Variants in ZNF205 observed in about 807,000 individuals in gnomAD.
ZNF205 encodes the protein transcriptional repressor RHIT.
ZNF205 carries 32 observed loss-of-function variants against 53.6 expected under a neutral mutation model. The ratio of observed to expected loss-of-function variants is 0.60; its 90% CI spans 0.45 to 0.80. The LOEUF is 0.80. Ranked by LOEUF, ZNF205 falls within the 30% of genes least tolerant of loss-of-function variation. The pLI, the probability that ZNF205 is intolerant of heterozygous loss-of-function variation, is 0.00. For missense variants in ZNF205, 836 were observed against 782.4 expected (o/e 1.07, Z -0.82); for synonymous variants, 382 against 334.3 (o/e 1.14, Z -1.56).
chr16:3,114,954 G>A (rs1459700359), intron 2 of ZNF205: 2 of 158,598 alleles, frequency 1.3e-5, no homozygotes, highest in Non-Finnish European at 2.8e-5. Context: ...TTAATCTCAA[G>A]ATCTTTAACT....
intron 5 of ZNF205, among the ~76,000 whole-genome samples, chr16:3,117,417 G>A (rs1255686126): frequency 7.3e-6 from 1 of 137,204 alleles, no homozygotes; most frequent in Admixed American, 7.3e-5. Context: ...TTGTTTCTTG[G>A]ATGTTAAGTA....
At position 3,116,299 on chromosome 16, in the gene ZNF205, G is replaced by A. The variant is rs1015578985; in HGVS notation, c.364-128G>A. The A allele has an allele frequency of 2.1e-6, 3 of 1,400,818 alleles. No homozygotes were observed. The African/African-American group carries it at 4.3e-5, about 20-fold the overall frequency. The allele number at this position is 1,400,818 out of a possible 1,614,324, so 86.8% of individuals were successfully genotyped here. Reference sequence around the variant, plus strand: ...TGGCTCACCTGCTTCCCGATCAGATGGAAGTGGCAGGCCTCACTCGACACA... The same window carrying A: ...TGGCTCACCTGCTTCCCGATCAGATAGAAGTGGCAGGCCTCACTCGACACA... On this transcript the variant is annotated intron_variant, in intron 4 of 6. Coordinates refer to ENST00000219091, the MANE Select transcript of ZNF205 (RefSeq NM_001042428.2).
chr16:3,115,163 T>C (rs1957323039), intron 2 of ZNF205, 192 bp from the exon 3 acceptor site: 1 of 420,496 alleles, frequency 2.4e-6, no homozygotes. Flanking sequence ...CCACCGGCAC[T>C]GTGGAGGCGG....
At chr16:3,116,364 C>G in intron 4 of ZNF205, 63 bp from the exon 5 acceptor site, 2 of 1,597,668 alleles carry the variant, frequency 1.3e-6, no homozygotes, top group Non-Finnish European at 8.5e-7. Flanking sequence ...CATCTCATGC[C>G]ATGGTGTCCC....
At chr16:3,113,297 G>T in intron 1 of ZNF205, 120 bp from the exon 2 acceptor site, 2 of 870,184 alleles carry the variant, frequency 2.3e-6, no homozygotes, top group Non-Finnish European at 1.8e-6. Flanking sequence ...GATTTTCAGG[G>T]CTCTTTGGGG....
intron 5 of ZNF205, 142 bp from the exon 6 acceptor site, chr16:3,118,763 G>A: frequency 1.2e-6 from 1 of 832,044 alleles, no homozygotes; most frequent in South Asian, 1.9e-5. Context: ...CCGACCCAGG[G>A]GGCCTTCTTG....
rs1394536671 is a variant in ZNF205, at chr16:3,119,470, C to G, written c.810C>G (p.Pro270=). The part of the protein sequence containing the change: ...TPDAAPPDPS[P]TEPQEYRVPE... ...ATGCAGCTCCGCCAGACCCCAGTCCCACGGAGCCCCAGGAGTACCGCGTCC... is the reference window on the plus strand; with the variant it reads ...ATGCAGCTCCGCCAGACCCCAGTCCGACGGAGCCCCAGGAGTACCGCGTCC... The change falls in exon 7 of 7, where the codon CCC becomes CCG. Residue 270 remains proline (P), a synonymous_variant. Coordinates refer to ENST00000219091, the MANE Select transcript of ZNF205 (RefSeq NM_001042428.2). The G allele has an allele frequency of 3.4e-5, 54 of 1,589,500 alleles. No homozygotes were observed. The highest frequency in any genetic ancestry group is 4.2e-5 in the Non-Finnish European group (49 of 1,169,172).
chr16:3,116,207 C>T, intron 4 of ZNF205: 2 of 699,654 alleles, frequency 2.9e-6, no homozygotes, highest in Non-Finnish European at 4.7e-6. Flanking sequence ...CATCCTAAGT[C>T]TTAACTGTGA....
Position 3,115,926 on chromosome 16 carries a change from T to C in ZNF205, c.363+6T>C. 1 of 1,612,532 alleles carries C rather than the reference T, an allele frequency of 6.2e-7. No individual in the cohort carries two copies. Among genetic ancestry groups the C allele is most frequent in the Non-Finnish European group, 8.5e-7 (1 of 1,179,418 alleles). Reference sequence around the variant, plus strand: ...TCCTCACTGCCTGGTCCCAGGTGAGTGGCCCTTCCCCGGCCCCTGCATGGT... The same window carrying C: ...TCCTCACTGCCTGGTCCCAGGTGAGCGGCCCTTCCCCGGCCCCTGCATGGT... On this transcript the variant is annotated splice_donor_region_variant and intron_variant, in intron 4 of 6. Transcript: ENST00000219091.
At chr16:3,115,151 G>A (rs1220358328) in intron 2 of ZNF205, 7 of 394,364 alleles carry the variant, frequency 1.8e-5, no homozygotes, top group Admixed American at 9.1e-5. Context: ...TGGGCACCAC[G>A]CCCACCGGCA....
intron 5 of ZNF205, among the ~76,000 whole-genome samples, chr16:3,118,011 G>GATT (rs1596299038): frequency 3.4e-5 from 2 of 58,790 alleles, no homozygotes; most frequent in African/African-American, 5.7e-5. Context: ...ACCATGCCCG[G>GATT]CTTTTTTTTT....
intron 2 of ZNF205, chr16:3,114,915 T>G (rs1457741053): frequency 6.5e-6 from 1 of 153,384 alleles, no homozygotes; most frequent in African/African-American, 2.4e-5. Context: ...CATTGTTAGA[T>G]TTTAGGCTCA....
intron 2 of ZNF205, among the ~76,000 whole-genome samples, chr16:3,113,963 G>A (rs560421521): frequency 8.5e-5 from 13 of 152,142 alleles, no homozygotes; most frequent in African/African-American, 3.1e-4. Flanking sequence ...AGGAGTATGA[G>A]TCAGCGACAG....
Position 3,119,884 on chromosome 16 carries a change from C to T in ZNF205, c.1224C>T (p.Val408=). 1 of 1,613,602 alleles carries T rather than the reference C, an allele frequency of 6.2e-7. No homozygotes were observed. Among genetic ancestry groups the T allele is most frequent in the Admixed American group, 1.7e-5 (1 of 60,018 alleles). Residue 408 remains valine (V), a synonymous_variant, in exon 7 of 7, where the codon GTC becomes GTT. Coordinates refer to ENST00000219091, the MANE Select transcript of ZNF205 (RefSeq NM_001042428.2). The stretch of plus-strand genomic sequence containing the variant: ...GCTTCACCCGCCGCTCGGACTTGGT[C>T]ACCCACCAGGGCACCCACACGGGCG... ...AKRFTRRSDL[V]THQGTHTGAK...
chr16:3,119,995 C>T lies in ZNF205; in HGVS notation c.1335C>T (p.Val445=). 2 of 1,613,276 alleles carry T rather than the reference C, an allele frequency of 1.2e-6. No homozygotes were observed. Among genetic ancestry groups the T allele is most frequent in the Non-Finnish European group, 1.7e-6 (2 of 1,179,818 alleles). The change falls in exon 7 of 7, where the codon GTC becomes GTT. Residue 445 remains valine (V), a synonymous_variant. Coordinates refer to ENST00000219091, the MANE Select transcript of ZNF205 (RefSeq NM_001042428.2). ...CCCACCAGCGCACCCACACTGGGGTCAAGCCCTATCCGTGCCCCGAGTGCG... is the reference window on the plus strand; with the variant it reads ...CCCACCAGCGCACCCACACTGGGGTTAAGCCCTATCCGTGCCCCGAGTGCG... ...LVTHQRTHTG[V]KPYPCPECGK...
chr16:3,119,844 A>G lies in ZNF205; in HGVS notation c.1184A>G (p.Asp395Gly), dbSNP rs200734288. The G allele has an allele frequency of 1.2e-6, 2 of 1,612,256 alleles. No individual in the cohort carries two copies. The highest frequency in any genetic ancestry group is 1.7e-6 in the Non-Finnish European group (2 of 1,179,600). The change falls in exon 7 of 7, where the codon GAC becomes GGC. Residue 395 changes from aspartate to glycine, a missense_variant. Asp to Gly is a moderately conservative substitution (Grantham distance 94, BLOSUM62 -1). Transcript: ENST00000219091. ...ACCGGAGAGAAGCCCTACGTGTGCG[A>G]CCGCTGCGCCAAGCGCTTCACCCGC... ...IHTGEKPYVC[D>G]RCAKRFTRRS...
chr16:3,116,499 C>T lies in ZNF205; in HGVS notation c.436C>T (p.Gln146Ter). The change falls in exon 5 of 7, where the codon CAG becomes TAG. Residue 146 changes from glutamine to a stop codon, truncating the protein, a stop_gained. Coordinates refer to ENST00000219091, the MANE Select transcript of ZNF205 (RefSeq NM_001042428.2). LOFTEE classifies it high-confidence loss of function. ...EEWGRLDHTQQNFYRDVLQKK... is the reference protein window; with the variant it reads ...EEWGRLDHTQ ...GTGGGGACGGCTGGACCACACGCAGCAGAACTTCTACAGGGATGTCCTGCA... is the reference window on the plus strand; with the variant it reads ...GTGGGGACGGCTGGACCACACGCAGTAGAACTTCTACAGGGATGTCCTGCA... 1 of 1,614,088 alleles carries T rather than the reference C, an allele frequency of 6.2e-7. No homozygotes were observed. Among genetic ancestry groups the T allele is most frequent in the Non-Finnish European group, 8.5e-7 (1 of 1,180,034 alleles).
intron 5 of ZNF205, 144 bp from the exon 6 acceptor site, chr16:3,118,761 G>A (rs778548162): frequency 1.2e-5 from 10 of 823,152 alleles, no homozygotes; most frequent in Non-Finnish European, 1.9e-5. Context: ...CCCCGACCCA[G>A]GGGGCCTTCT....
chr16:3,117,655 G>A (rs913917485), intron 5 of ZNF205, among the ~76,000 whole-genome samples: 4 of 151,292 alleles, frequency 2.6e-5, no homozygotes, highest in African/African-American at 9.7e-5. Context: ...ATCTCGCTAT[G>A]TTGCCCAGGT....
Sources: gnomAD v4.1 joint callset for allele counts (sites outside exome capture counted in the v4.1 genomes callset) on GRCh38, gnomAD v4.1.1 for gene constraint, MANE v1.5 for transcripts, NCBI Gene and HGNC (gene_info 2026-07-23, HGNC 2026-07-21) for gene names.